The following ATXN1 variants were observed in gnomAD, a reference collection of about 807,000 sequenced individuals.
ATXN1 encodes the protein ataxin 1.
Under a neutral mutation model 56.4 loss-of-function variants are expected in ATXN1, and 8 were observed. The observed-to-expected ratio is 0.14, with a 90% CI of 0.08 to 0.26. ATXN1 has a LOEUF of 0.26. Among genes scored for constraint, ATXN1 ranks in the 10% least tolerant of loss-of-function variants. ATXN1 has a pLI of 1.00. For missense variants in ATXN1, 987 were observed against 1,106.5 expected, an observed-to-expected ratio of 0.89 and a Z score of 1.53; for synonymous variants, 514 against 494.6, an observed-to-expected ratio of 1.04 and a Z score of -0.52.
intron 6 of ATXN1, among the ~76,000 whole-genome samples, chr6:16,479,636 A>C (rs1760395648): frequency 6.6e-6 from 1 of 152,222 alleles, no homozygotes; most frequent in African/African-American, 2.4e-5. Context: ...TCTATGACTA[A>C]ACAATGTCAA....
chr6:16,444,666 T>C (rs1489675921), intron 6 of ATXN1, among the ~76,000 whole-genome samples: 1 of 152,100 alleles, frequency 6.6e-6, no homozygotes, highest in Non-Finnish European at 1.5e-5. Context: ...GGTAGATAAA[T>C]TACAGATGCA....
intron 6 of ATXN1, among the ~76,000 whole-genome samples, chr6:16,379,494 A>G (rs1340257932): frequency 6.6e-6 from 1 of 152,238 alleles, no homozygotes; most frequent in Admixed American, 6.5e-5. Flanking sequence ...ACGCAACTGA[A>G]GAATGACCTA....
chr6:16,389,503 G>C (rs1053640630), intron 6 of ATXN1, among the ~76,000 whole-genome samples: 4 of 152,064 alleles, frequency 2.6e-5, no homozygotes, highest in African/African-American at 9.7e-5. Flanking sequence ...CTTTTGCCTT[G>C]AGAGTCCTTA....
intron 3 of ATXN1, among the ~76,000 whole-genome samples, chr6:16,640,821 C>A (rs190562235): frequency 1.3e-5 from 2 of 151,420 alleles, no homozygotes; most frequent in African/African-American, 2.5e-5. Context: ...TTAAGCTTAG[C>A]GAGGAAGGCA....
intron 4 of ATXN1, among the ~76,000 whole-genome samples, chr6:16,567,722 T>C (rs1462742889): frequency 6.6e-6 from 1 of 152,214 alleles, no homozygotes; most frequent in African/African-American, 2.4e-5. Context: ...GTTCCGCCTT[T>C]TTACTTTACA....
chr6:16,308,153 C>G (rs1235988605), intron 7 of ATXN1, among the ~76,000 whole-genome samples: 2 of 152,108 alleles, frequency 1.3e-5, no homozygotes, highest in African/African-American at 2.4e-5. Context: ...TGGTGAAACC[C>G]TGTCCCTACT....
At chr6:16,628,041 A>G (rs1763438032) in intron 3 of ATXN1, among the ~76,000 whole-genome samples, 1 of 152,236 alleles carries the variant, frequency 6.6e-6, no homozygotes, top group Non-Finnish European at 1.5e-5. Context: ...CTCCTGCAAT[A>G]TTAGCACTAA....
chr6:16,513,797 G>A (rs1332398526), intron 5 of ATXN1, among the ~76,000 whole-genome samples: 1 of 152,040 alleles, frequency 6.6e-6, no homozygotes, highest in Non-Finnish European at 1.5e-5. Context: ...GAGGGAGGGA[G>A]ACAGTGACTT....
intron 2 of ATXN1, among the ~76,000 whole-genome samples, chr6:16,702,578 T>C (rs937306988): frequency 3.9e-5 from 6 of 152,114 alleles, no homozygotes; most frequent in Admixed American, 6.5e-5. Context: ...ATTTTTGCAA[T>C]CTACTCATCG....
intron 5 of ATXN1, among the ~76,000 whole-genome samples, chr6:16,505,949 G>A (rs547459996): frequency 7.9e-5 from 12 of 152,248 alleles, no homozygotes; most frequent in Non-Finnish European, 1.2e-4. Context: ...TAAGCAGCAC[G>A]TGTCCCATTT....
intron 3 of ATXN1, among the ~76,000 whole-genome samples, chr6:16,617,322 TATTAA>T (rs1209571687): frequency 1.3e-5 from 2 of 152,254 alleles, no homozygotes; most frequent in East Asian, 1.9e-4. Flanking sequence ...ATATCTAATC[TATTAA>T]ATTAAATTTT....
intron 7 of ATXN1, among the ~76,000 whole-genome samples, chr6:16,319,370 A>G (rs143178986): frequency 2.2e-4 from 34 of 152,364 alleles, no homozygotes; most frequent in African/African-American, 7.2e-4. Flanking sequence ...GATGATTCCA[A>G]CTGCATGGCA....
intron 2 of ATXN1, among the ~76,000 whole-genome samples, chr6:16,731,079 T>C (rs555395818): frequency 6.6e-6 from 1 of 152,140 alleles, no homozygotes; most frequent in Non-Finnish European, 1.5e-5. Flanking sequence ...CATGTAAAAC[T>C]CCCTGAAAGA....
chr6:16,518,559 A>G (rs1202380230), intron 5 of ATXN1, among the ~76,000 whole-genome samples: 1 of 152,090 alleles, frequency 6.6e-6, no homozygotes, highest in African/African-American at 2.4e-5. Flanking sequence ...GTCTGCCTCA[A>G]TACTCTTGTC....
chr6:16,645,939 G>T (rs956764034), intron 3 of ATXN1, among the ~76,000 whole-genome samples: 1 of 152,148 alleles, frequency 6.6e-6, no homozygotes, highest in Non-Finnish European at 1.5e-5. Flanking sequence ...TATCTCCAAG[G>T]CTATGTGTGG....
chr6:16,498,538 G>A (rs549902497), intron 5 of ATXN1, among the ~76,000 whole-genome samples: 2 of 152,264 alleles, frequency 1.3e-5, no homozygotes, highest in South Asian at 4.1e-4. Flanking sequence ...TGTTAATTCT[G>A]TATTTAGCTA....
chr6:16,610,116 T>C (rs1763077294), intron 3 of ATXN1, among the ~76,000 whole-genome samples: 1 of 151,964 alleles, frequency 6.6e-6, no homozygotes. Flanking sequence ...ATCAGATAGA[T>C]GCTAATGGAT....
chr6:16,449,368 T>C (rs1293281385), intron 6 of ATXN1, among the ~76,000 whole-genome samples: 2 of 152,212 alleles, frequency 1.3e-5, no homozygotes. Context: ...AGACATACCA[T>C]GCTTATGGTA....
At chr6:16,587,728 T>C (rs893862094) in intron 3 of ATXN1, among the ~76,000 whole-genome samples, 2 of 151,242 alleles carry the variant, frequency 1.3e-5, no homozygotes, top group African/African-American at 4.9e-5. Context: ...AGGTCAGGAG[T>C]TCGAGACCAG....
Sources: allele counts gnomAD v4.1 joint callset (sites outside exome capture counted in the v4.1 genomes callset), GRCh38; gene constraint gnomAD v4.1.1; transcripts MANE v1.5; gene names NCBI Gene and HGNC (gene_info 2026-07-23, HGNC 2026-07-21).